LASP1: variants seen among roughly 807,000 people sequenced by gnomAD.
The protein encoded by LASP1 is LIM and SH3 domain protein 1.
LASP1 carries 10 observed loss-of-function variants against 38.6 expected under a neutral mutation model. The observed-to-expected ratio is 0.26, with a 90% CI of 0.16 to 0.44. The LOEUF (loss-of-function observed/expected upper bound fraction) is 0.44. Ranked by LOEUF, LASP1 falls within the 20% of genes least tolerant of loss-of-function variation. The probability of loss-of-function intolerance (pLI) is 1.00; values close to 1 mark genes in which losing one functional copy is unlikely to be tolerated. For missense variants in LASP1, 243 were observed against 375.7 expected (o/e 0.65, Z 2.92); for synonymous variants, 132 against 140.8 (o/e 0.94, Z 0.44).
intron 5 of LASP1, 85 bp from the exon 6 acceptor site, chr17:38,914,958 T>C: frequency 8.0e-7 from 1 of 1,248,562 alleles, no homozygotes. Flanking sequence ...GGGGTGGAAG[T>C]GCATGGTATG....
chr17:38,881,545 C>G (rs765226467), intron 2 of LASP1, among the ~76,000 whole-genome samples: 2 of 152,188 alleles, frequency 1.3e-5, no homozygotes, highest in Non-Finnish European at 2.9e-5. Flanking sequence ...CTGGTCTTAT[C>G]CTTGAGTGAC....
rs1249303600 is a variant in LASP1, at chr17:38,870,093, C to T, written c.-97C>T. 6.0e-6 allele frequency: 8 copies of T among 1,326,816 alleles called. No homozygotes were observed. The highest frequency in any genetic ancestry group is 2.4e-5 in the South Asian group (2 of 83,680). 82.2% of individuals were successfully genotyped at this position (1,326,816 alleles called of 1,614,324 possible). On this transcript the variant is annotated 5_prime_UTR_variant, in exon 1 of 7. Coordinates refer to ENST00000318008, the MANE Select transcript of LASP1 (RefSeq NM_006148.4). The stretch of plus-strand genomic sequence containing the variant: ...CAGCTCCAGCCGCCGTCGCTGCTGC[C>T]TGTGTAGTTGCAGCCGCGGCCGCCT...
chr17:38,870,354 G>A (rs1284561570), intron 1 of LASP1, 96 bp downstream of exon 1: 3 of 1,367,854 alleles, frequency 2.2e-6, no homozygotes, highest in African/African-American at 2.9e-5. Context: ...CCTTATCCCC[G>A]CGATCCCAGG....
intron 2 of LASP1, among the ~76,000 whole-genome samples, chr17:38,889,931 C>A (rs950328401): frequency 6.6e-6 from 1 of 152,206 alleles, no homozygotes; most frequent in Admixed American, 6.5e-5. Context: ...TCCAGGAAGT[C>A]CCCCTGGATA....
At chr17:38,876,064 C>T (rs1423087766) in intron 1 of LASP1, among the ~76,000 whole-genome samples, 1 of 152,050 alleles carries the variant, frequency 6.6e-6, no homozygotes. Flanking sequence ...TCCTGGGCTT[C>T]TGGGGGTGAA....
intron 2 of LASP1, among the ~76,000 whole-genome samples, chr17:38,879,537 A>G (rs78123754): frequency 2.2e-4 from 33 of 148,248 alleles, no homozygotes; most frequent in African/African-American, 6.7e-4. Flanking sequence ...CAGTGTTCAC[A>G]TGAATTTAGG....
At chr17:38,882,541 C>T (rs919681628) in intron 2 of LASP1, among the ~76,000 whole-genome samples, 9 of 152,188 alleles carry the variant, frequency 5.9e-5, no homozygotes, top group Admixed American at 2.6e-4. Context: ...AGCCACTGCC[C>T]GGCCCGAATT....
At chr17:38,876,437 C>T (rs1342470710) in intron 1 of LASP1, among the ~76,000 whole-genome samples, 1 of 151,568 alleles carries the variant, frequency 6.6e-6, no homozygotes, top group Non-Finnish European at 1.5e-5. Flanking sequence ...CTCAGCTCAC[C>T]GCAATCTCTG....
At chr17:38,909,377 G>A (rs1914865800) in intron 4 of LASP1, among the ~76,000 whole-genome samples, 1 of 152,136 alleles carries the variant, frequency 6.6e-6, no homozygotes, top group Admixed American at 6.6e-5. Flanking sequence ...GGAGGCCGAG[G>A]TGGGCAGATC....
chr17:38,897,159 C>A, intron 3 of LASP1: 1 of 855,634 alleles, frequency 1.2e-6, no homozygotes, highest in Non-Finnish European at 1.4e-6. Context: ...CCAAGCCCTT[C>A]TTGTCTGGAT....
intron 1 of LASP1, among the ~76,000 whole-genome samples, chr17:38,877,493 C>A (rs1199301282): frequency 6.6e-6 from 1 of 152,172 alleles, no homozygotes; most frequent in Non-Finnish European, 1.5e-5. Context: ...ACCCAGCCCA[C>A]TCCTCTGGCC....
intron 3 of LASP1, among the ~76,000 whole-genome samples, chr17:38,892,130 C>T (rs1440304281): frequency 6.6e-6 from 1 of 152,174 alleles, no homozygotes; most frequent in Non-Finnish European, 1.5e-5. Context: ...TCAGCAAGTG[C>T]CTTTAGTTAG....
rs1915182178 is a variant in LASP1 at position 38,918,041 on chromosome 17, G to A, written c.613-564G>A. 6.6e-6 allele frequency among the ~76,000 whole-genome samples: 1 copy of A among 151,616 alleles called. No individual in the cohort carries two copies. Among genetic ancestry groups the A allele is most frequent in the South Asian group, 2.1e-4 (1 of 4,814 alleles). ...TATAGTCCCAGCTACTTGGGAGGCTGAGGCAGGAGAATCGCTTGAACCCGG... is the reference window on the plus strand; with the variant it reads ...TATAGTCCCAGCTACTTGGGAGGCTAAGGCAGGAGAATCGCTTGAACCCGG... On this transcript the variant is annotated intron_variant, in intron 6 of 6. Transcript: ENST00000318008. This position sits in a 1 kb window ranked among gnomAD's most constrained non-coding sequence, Gnocchi z 4.4.
At chr17:38,912,646 A>G (rs1914989338) in intron 4 of LASP1, among the ~76,000 whole-genome samples, 1 of 151,986 alleles carries the variant, frequency 6.6e-6, no homozygotes, top group Admixed American at 6.6e-5. Flanking sequence ...ACCTGAGAGG[A>G]GGAAAGGGCT....
rs899674494 is a variant in LASP1, at chr17:38,920,282, G to A, written c.*1504G>A. 7 of 416,706 alleles carry A rather than the reference G, an allele frequency of 1.7e-5. No homozygotes were observed. The highest frequency in any genetic ancestry group is 4.5e-5 in the South Asian group (2 of 43,974). The allele number at this position is 416,706 out of a possible 1,614,324, so 25.8% of individuals were successfully genotyped here. On this transcript the variant is annotated 3_prime_UTR_variant, in exon 7 of 7. Transcript: ENST00000318008. ...GTGTCACCCTGTGGGTGTCTCCCTC[G>A]GGGGCTCTTCCCCTAGACCTCCCCC...
intron 6 of LASP1, chr17:38,916,454 C>G (rs1380636038): frequency 6.6e-6 from 1 of 152,134 alleles, no homozygotes; most frequent in Admixed American, 6.6e-5. Context: ...GTAATCCCAG[C>G]TACTCGGGAG....
At chr17:38,914,927 G>A in intron 5 of LASP1, 116 bp from the exon 6 acceptor site, 1 of 895,994 alleles carries the variant, frequency 1.1e-6, no homozygotes, top group South Asian at 1.5e-5. Context: ...TGAGCTGTGG[G>A]GCTTGAGCCA....
Position 38,870,188 on chromosome 17 carries a change from C to T in LASP1, c.-2C>T. On this transcript the variant is annotated 5_prime_UTR_variant, in exon 1 of 7. Coordinates refer to ENST00000318008, the MANE Select transcript of LASP1 (RefSeq NM_006148.4). ...GTCCCCGCCCCAGCTTTTCTCGGAA[C>T]CATGAACCCCAACTGCGCCCGGTGC... The T allele has an allele frequency of 3.7e-6, 6 of 1,613,752 alleles. No homozygotes were observed. The highest frequency in any genetic ancestry group is 5.1e-6 in the Non-Finnish European group (6 of 1,179,814).
intron 3 of LASP1, among the ~76,000 whole-genome samples, chr17:38,891,706 A>G (rs187859113): frequency 6.6e-6 from 1 of 152,304 alleles, no homozygotes; most frequent in African/African-American, 2.4e-5. Flanking sequence ...GGCAGCTTTG[A>G]ATGTAGGTTT....
Sources: allele counts gnomAD v4.1 joint callset (sites outside exome capture counted in the v4.1 genomes callset), GRCh38; gene constraint gnomAD v4.1.1; non-coding constraint Gnocchi (gnomAD v3.1); transcripts MANE v1.5; gene names NCBI Gene and HGNC (gene_info 2026-07-23, HGNC 2026-07-21).